Variants in RIMS2 observed in about 807,000 individuals in gnomAD.
The protein encoded by RIMS2 is regulating synaptic membrane exocytosis 2.
RIMS2 carries 59 observed loss-of-function variants against 174.4 expected under a neutral mutation model. The observed-to-expected ratio is 0.34, with a 90% CI of 0.27 to 0.42. The LOEUF (loss-of-function observed/expected upper bound fraction) is 0.42. Among genes scored for constraint, RIMS2 ranks in the 10% least tolerant of loss-of-function variants. The probability of loss-of-function intolerance (pLI) is 1.00; values close to 1 mark genes in which losing one functional copy is unlikely to be tolerated. For synonymous variants in RIMS2, 606 were observed against 572.5 expected (o/e 1.06, Z -0.84); for missense variants, 1,620 against 1,666.3 (o/e 0.97, Z 0.48).
intron 19 of RIMS2, chr8:104,223,360 T>G (rs888491845): frequency 3.4e-5 from 40 of 1,174,930 alleles, no homozygotes; most frequent in East Asian, 8.3e-5. Context: ...CCTCCAGGAT[T>G]CTCAGCTCCC....
rs572062084 is a variant in RIMS2 at position 104,057,926 on chromosome 8, C to A, written c.3334+43311C>A. On this transcript the variant is annotated intron_variant, in intron 19 of 23. Transcript: ENST00000504942. ...TCATTTTTTATGGCTGCATAGTATT[C>A]CATGGTGTATATGTGCCACATTTTT... Among the ~76,000 whole-genome samples, 196 of 152,150 alleles carry A rather than the reference C, an allele frequency of 1.3e-3. 1 individual carries two copies. The highest frequency in any genetic ancestry group is 4.6e-3 in the African/African-American group (189 of 41,504).
intron 1 of RIMS2, among the ~76,000 whole-genome samples, chr8:103,565,091 G>A (rs1403674114): frequency 6.6e-6 from 1 of 152,192 alleles, no homozygotes; most frequent in Non-Finnish European, 1.5e-5. Flanking sequence ...CTAAAGACAT[G>A]TATGTGTACG....
chr8:103,954,574 A>C (rs1207388464), intron 14 of RIMS2, among the ~76,000 whole-genome samples: 1 of 152,246 alleles, frequency 6.6e-6, no homozygotes, highest in African/African-American at 2.4e-5. Context: ...GACACAACGT[A>C]CCAGAATTTC....
chr8:103,914,593 T>C (rs962026273), intron 6 of RIMS2, among the ~76,000 whole-genome samples: 7 of 152,196 alleles, frequency 4.6e-5, no homozygotes, highest in Admixed American at 6.5e-5. Context: ...GAATTAAACA[T>C]AGGACTAATT....
At chr8:103,754,342 C>T (rs2097945349) in intron 2 of RIMS2, among the ~76,000 whole-genome samples, 1 of 152,164 alleles carries the variant, frequency 6.6e-6, no homozygotes, top group Admixed American at 6.5e-5. Context: ...GAGTGTTTTA[C>T]TTCCAACGAT....
intron 1 of RIMS2, among the ~76,000 whole-genome samples, chr8:103,527,602 CGTT>C (rs1834722119): frequency 6.6e-6 from 1 of 151,806 alleles, no homozygotes; most frequent in South Asian, 2.1e-4. Context: ...CAAGTGTTCT[CGTT>C]GTTCAGTTCC....
chr8:103,667,600 T>G (rs976266934), intron 1 of RIMS2, among the ~76,000 whole-genome samples: 11 of 152,208 alleles, frequency 7.2e-5, no homozygotes, highest in African/African-American at 2.7e-4. Flanking sequence ...TAAATAAGGT[T>G]GGCTGCAAAA....
At chr8:104,094,414 T>A in intron 19 of RIMS2, 1 of 576,982 alleles carries the variant, frequency 1.7e-6, no homozygotes, top group Non-Finnish European at 3.0e-6. Context: ...CATAAGTGTT[T>A]TTTCTTGACT....
intron 19 of RIMS2, among the ~76,000 whole-genome samples, chr8:104,050,353 C>A (rs34382175): frequency 0.39 from 59,135 of 151,752 alleles, 11,774 homozygotes; most frequent in Non-Finnish European, 0.42. Flanking sequence ...GTCCCTAAAA[C>A]GTTAAACTTA....
At chr8:103,993,692 G>T (rs1009060047) in intron 17 of RIMS2, among the ~76,000 whole-genome samples, 1 of 152,058 alleles carries the variant, frequency 6.6e-6, no homozygotes. Flanking sequence ...ATCATACTGA[G>T]TAGAATGTAG....
At chr8:103,897,303 G>T (rs2099290249) in intron 4 of RIMS2, among the ~76,000 whole-genome samples, 1 of 151,624 alleles carries the variant, frequency 6.6e-6, no homozygotes, top group Non-Finnish European at 1.5e-5. Context: ...CTTGAATAGG[G>T]CTGTGGTACA....
intron 19 of RIMS2, among the ~76,000 whole-genome samples, chr8:104,211,188 T>A (rs1193161305): frequency 3.3e-5 from 5 of 151,988 alleles, no homozygotes; most frequent in Admixed American, 2.6e-4. Flanking sequence ...AAGGTTAGAG[T>A]CGAGTAGGGG....
intron 10 of RIMS2, among the ~76,000 whole-genome samples, chr8:103,926,394 G>A (rs2078785046): frequency 6.6e-6 from 1 of 151,224 alleles, no homozygotes; most frequent in Non-Finnish European, 1.5e-5. Flanking sequence ...TCTTCCTTTG[G>A]GAATATTTCC....
chr8:104,079,900 T>C (rs2097379016), intron 19 of RIMS2, among the ~76,000 whole-genome samples: 1 of 151,704 alleles, frequency 6.6e-6, no homozygotes, highest in Non-Finnish European at 1.5e-5. Flanking sequence ...ACGTGGATGC[T>C]GAGAGAAGTA....
intron 3 of RIMS2, among the ~76,000 whole-genome samples, chr8:103,840,761 A>G (rs994832260): frequency 1.3e-5 from 2 of 152,156 alleles, no homozygotes; most frequent in Non-Finnish European, 2.9e-5. Context: ...CAGTGTATTC[A>G]CTGTATACTG....
intron 1 of RIMS2, among the ~76,000 whole-genome samples, chr8:103,686,379 G>A (rs2096940315): frequency 6.6e-6 from 1 of 152,124 alleles, no homozygotes; most frequent in African/African-American, 2.4e-5. Context: ...TTGATTAGAA[G>A]TAGTGAAAGA....
chr8:104,255,582 G>A (rs2099366573), downstream of RIMS2: 1 of 152,168 alleles, frequency 6.6e-6, no homozygotes, highest in South Asian at 2.1e-4. Context: ...AGATGCCAAG[G>A]CTCCATAGGC....
At chr8:104,179,634 A>C (rs1343130729) in intron 19 of RIMS2, among the ~76,000 whole-genome samples, 1 of 151,932 alleles carries the variant, frequency 6.6e-6, no homozygotes, top group Non-Finnish European at 1.5e-5. Context: ...TCAGCTAGGA[A>C]AATGTAGTAA....
chr8:103,840,131 A>G (rs889736655), intron 3 of RIMS2, among the ~76,000 whole-genome samples: 1 of 152,178 alleles, frequency 6.6e-6, no homozygotes, highest in East Asian at 1.9e-4. Flanking sequence ...ATAGTTGTTT[A>G]TAGAAAGAAG....
Sources: gnomAD v4.1 joint callset for allele counts (sites outside exome capture counted in the v4.1 genomes callset) on GRCh38, gnomAD v4.1.1 for gene constraint, MANE v1.5 for transcripts, NCBI Gene and HGNC (gene_info 2026-07-23, HGNC 2026-07-21) for gene names.